The following CEMIP2 variants were observed in gnomAD, a reference collection of about 807,000 sequenced individuals.
CEMIP2 encodes cell migration inducing hyaluronidase 2.
A neutral mutation model predicts 146.9 loss-of-function variants in CEMIP2; 79 were observed. That is an observed-to-expected ratio of 0.54 (90% CI 0.45 to 0.65). The LOEUF (loss-of-function observed/expected upper bound fraction) is 0.65, where lower values mean the gene tolerates loss of function less well. Ranked by LOEUF, CEMIP2 falls within the 30% of genes least tolerant of loss-of-function variation. The pLI is 0.00. For synonymous variants in CEMIP2, 601 were observed against 606.3 expected, an observed-to-expected ratio of 0.99 and a Z score of 0.13; for missense variants, 1,596 against 1,696.2, an observed-to-expected ratio of 0.94 and a Z score of 1.04.
chr9:71,728,302 C>CACGTATATATATATAT (rs1554684804), intron 10 of CEMIP2, among the ~76,000 whole-genome samples: 1 of 11,584 alleles, frequency 8.6e-5, no homozygotes, highest in African/African-American at 3.4e-4. Context: ...TATATATATA[C>CACGTATATATATATAT]ATATATATAT....
At chr9:71,709,686 C>T (rs1482496712) in intron 16 of CEMIP2, among the ~76,000 whole-genome samples, 1 of 152,162 alleles carries the variant, frequency 6.6e-6, no homozygotes, top group African/African-American at 2.4e-5. Flanking sequence ...TTTCCCAAAA[C>T]CTTATGGTGT....
chr9:71,736,748 A>G (rs1300745783), intron 5 of CEMIP2, among the ~76,000 whole-genome samples: 2 of 152,266 alleles, frequency 1.3e-5, no homozygotes, highest in Non-Finnish European at 2.9e-5. Flanking sequence ...GGAAATGTCC[A>G]TGAAATAGAT....
At chr9:71,692,652 T>C (rs1365612590) in intron 21 of CEMIP2, among the ~76,000 whole-genome samples, 1 of 152,104 alleles carries the variant, frequency 6.6e-6, no homozygotes, top group East Asian at 1.9e-4. Context: ...CTCACACCTG[T>C]AATCCCAGCA....
chr9:71,744,099 G>A (rs1288785433), intron 4 of CEMIP2, among the ~76,000 whole-genome samples: 1 of 152,216 alleles, frequency 6.6e-6, no homozygotes. Context: ...AGAAGGCTGG[G>A]TGTGGTGGTT....
intron 15 of CEMIP2, among the ~76,000 whole-genome samples, chr9:71,713,343 G>GT (rs1033162530): frequency 8.5e-5 from 13 of 152,116 alleles, no homozygotes; most frequent in Admixed American, 6.5e-5. Flanking sequence ...TGCCATCCAG[G>GT]TAAGATGTGA....
intron 22 of CEMIP2, among the ~76,000 whole-genome samples, chr9:71,688,692 G>A (rs1043625867): frequency 1.3e-5 from 2 of 151,970 alleles, no homozygotes; most frequent in Non-Finnish European, 2.9e-5. Context: ...CTGGCCTACT[G>A]TAGTCTTTCT....
At chr9:71,717,875 T>C (rs1291421250) in intron 13 of CEMIP2, 73 bp downstream of exon 13, 3 of 1,417,010 alleles carry the variant, frequency 2.1e-6, no homozygotes, top group Non-Finnish European at 2.9e-6. Context: ...GCTTTCATGC[T>C]ACTGGCTTTA....
intron 13 of CEMIP2, 150 bp downstream of exon 13, chr9:71,717,798 C>T: frequency 1.4e-6 from 1 of 724,080 alleles, no homozygotes; most frequent in Non-Finnish European, 2.0e-6. Flanking sequence ...TCTTTTAACT[C>T]TAGCATACTT....
chr9:71,748,260 TTAA>T (rs1386769326), intron 2 of CEMIP2, among the ~76,000 whole-genome samples: 3 of 152,218 alleles, frequency 2.0e-5, no homozygotes, highest in East Asian at 1.9e-4. Context: ...TAAAATGCAC[TTAA>T]TGAGAAAATG....
At chr9:71,765,551 A>G (rs780993301) in intron 1 of CEMIP2, among the ~76,000 whole-genome samples, 4 of 152,172 alleles carry the variant, frequency 2.6e-5, no homozygotes, top group Non-Finnish European at 5.9e-5. Context: ...CCATTTTAAG[A>G]TAGTACTTCT....
In CEMIP2 at chr9:71,745,315, G is replaced by A; in HGVS notation, c.737C>T (p.Thr246Ile). The change falls in exon 4 of 24, where the codon ACC becomes ATC. Residue 246 changes from threonine to isoleucine, a missense_variant. Transcript: ENST00000377044. ...RKASWTLLAR[T>I]LNSSGLPFGS... ...AAAGGGCAAGCCTGAGGAATTCAGG[G>A]TCCTTGCCAACAACGTCCACGATGC... 6.2e-7 allele frequency: 1 copy of A among 1,613,576 alleles called. No homozygotes were observed. Among genetic ancestry groups the A allele is most frequent in the Non-Finnish European group, 8.5e-7 (1 of 1,179,558 alleles).
chr9:71,740,357 T>A (rs1276690473), intron 4 of CEMIP2, 125 bp from the exon 5 acceptor site: 1 of 1,177,362 alleles, frequency 8.5e-7, no homozygotes, highest in Non-Finnish European at 1.2e-6. Flanking sequence ...CCTAATGTTT[T>A]TTCTATATGA....
At chr9:71,735,534 C>T (rs1266209666) in intron 5 of CEMIP2, among the ~76,000 whole-genome samples, 1 of 152,112 alleles carries the variant, frequency 6.6e-6, no homozygotes, top group Non-Finnish European at 1.5e-5. Flanking sequence ...CACCTGTAAT[C>T]CCAGCACTTC....
chr9:71,702,564 C>T (rs910070170), intron 18 of CEMIP2, among the ~76,000 whole-genome samples: 12 of 151,964 alleles, frequency 7.9e-5, no homozygotes, highest in African/African-American at 2.7e-4. Context: ...AGATTATTTC[C>T]ATTTTCTTTA....
chr9:71,702,153 G>T (rs888738549), intron 18 of CEMIP2, among the ~76,000 whole-genome samples: 10 of 151,908 alleles, frequency 6.6e-5, no homozygotes, highest in African/African-American at 2.2e-4. Context: ...AGATACCTGG[G>T]AGGCTTAGGT....
intron 6 of CEMIP2, among the ~76,000 whole-genome samples, chr9:71,733,220 T>C (rs1313440379): frequency 6.6e-6 from 1 of 152,252 alleles, no homozygotes. Flanking sequence ...TCTTATTTTA[T>C]GTTATTATGC....
At chr9:71,757,395 C>A (rs957897628) in intron 1 of CEMIP2, among the ~76,000 whole-genome samples, 6 of 152,146 alleles carry the variant, frequency 3.9e-5, no homozygotes, top group African/African-American at 1.4e-4. Flanking sequence ...CAATACTCAA[C>A]CTAAGGGTCA....
In CEMIP2 at chr9:71,757,851, C is replaced by T. The variant is rs73647012; in HGVS notation, c.-12-7466G>A. Among the ~76,000 whole-genome samples the T allele has an allele frequency of 8.1e-3, 1,234 of 152,182 alleles. 22 individuals carry two copies. The highest frequency in any genetic ancestry group is 0.028 in the African/African-American group (1,179 of 41,518). Reference sequence around the variant, plus strand: ...GACAAACAGTGAACTCAACAAATACCCTGTACATAAAAAAGTGTTCAATTA... The same window carrying T: ...GACAAACAGTGAACTCAACAAATACTCTGTACATAAAAAAGTGTTCAATTA... On this transcript the variant is annotated intron_variant, in intron 1 of 23. Transcript: ENST00000377044.
At chr9:71,730,470 A>G (rs1374616598) in intron 8 of CEMIP2, among the ~76,000 whole-genome samples, 1 of 152,216 alleles carries the variant, frequency 6.6e-6, no homozygotes, top group African/African-American at 2.4e-5. Flanking sequence ...TTGTAAATAA[A>G]TAAATAAAAA....
Sources: gnomAD v4.1 joint callset for allele counts (sites outside exome capture counted in the v4.1 genomes callset) on GRCh38, gnomAD v4.1.1 for gene constraint, MANE v1.5 for transcripts, NCBI Gene and HGNC (gene_info 2026-07-23, HGNC 2026-07-21) for gene names.